EVA1A: variants seen among roughly 807,000 people sequenced by gnomAD.
EVA1A encodes the protein eva-1 homolog A, regulator of programmed cell death.
Under a neutral mutation model 9.8 loss-of-function variants are expected in EVA1A, and 7 were observed. The ratio of observed to expected loss-of-function variants is 0.71; its 90% CI spans 0.41 to 1.34. The LOEUF (loss-of-function observed/expected upper bound fraction) is 1.34. Ranked by LOEUF, EVA1A falls within the 40% of genes most tolerant of loss-of-function variation. The pLI is 0.01. For missense variants in EVA1A, 206 were observed against 205.9 expected (o/e 1.00, Z 0.00); for synonymous variants, 90 against 85.6 (o/e 1.05, Z -0.28).
chr2:75,559,461 G>A (rs949959952), intron 1 of EVA1A, among the ~76,000 whole-genome samples: 6 of 152,148 alleles, frequency 3.9e-5, no homozygotes, highest in Non-Finnish European at 7.3e-5. Context: ...TAGCCACTGC[G>A]CTTGACTGCC....
intron 1 of EVA1A, among the ~76,000 whole-genome samples, chr2:75,559,776 G>C (rs1676856836): frequency 6.6e-6 from 1 of 151,602 alleles, no homozygotes; most frequent in Admixed American, 6.6e-5. Flanking sequence ...TGGACTTGAA[G>C]TGTATGTGTG....
chr2:75,521,845 C>T (rs1675242040), intron 2 of EVA1A, among the ~76,000 whole-genome samples: 1 of 152,074 alleles, frequency 6.6e-6, no homozygotes, highest in Non-Finnish European at 1.5e-5. Flanking sequence ...TATTTTACCA[C>T]AATTTAAAAA....
intron 3 of EVA1A, among the ~76,000 whole-genome samples, chr2:75,512,113 T>C (rs1674840584): frequency 1.3e-5 from 2 of 151,892 alleles, no homozygotes; most frequent in Non-Finnish European, 2.9e-5. Context: ...TTAAAGGAAA[T>C]AGAAGAGTGA....
intron 1 of EVA1A, among the ~76,000 whole-genome samples, chr2:75,532,355 C>G (rs570588237): frequency 1.6e-4 from 24 of 152,096 alleles, no homozygotes; most frequent in African/African-American, 5.3e-4. Flanking sequence ...GTGAGTGAAA[C>G]TTGGTATTGT....
intron 1 of EVA1A, among the ~76,000 whole-genome samples, chr2:75,554,727 A>AG (rs35737651): frequency 0.35 from 52,469 of 151,884 alleles, 10,439 homozygotes; most frequent in Admixed American, 0.47. Context: ...CCCCTAACAC[A>AG]GTGCCTGGCA....
At chr2:75,557,862 G>A (rs1676770907) in intron 1 of EVA1A, among the ~76,000 whole-genome samples, 1 of 152,258 alleles carries the variant, frequency 6.6e-6, no homozygotes, top group African/African-American at 2.4e-5. Context: ...TAAATCACAA[G>A]CATGATGCAG....
intron 1 of EVA1A, among the ~76,000 whole-genome samples, chr2:75,541,399 C>T (rs978388554): frequency 3.3e-5 from 5 of 152,182 alleles, no homozygotes; most frequent in African/African-American, 1.2e-4. Flanking sequence ...CAGAGACAAT[C>T]AAAAGCTAGT....
intron 3 of EVA1A, among the ~76,000 whole-genome samples, chr2:75,504,462 C>T (rs1238206265): frequency 6.6e-6 from 1 of 152,154 alleles, no homozygotes; most frequent in East Asian, 1.9e-4. Flanking sequence ...TTCTGCCCCA[C>T]CCCATTGGAA....
At chr2:75,546,550 C>T (rs771542696) in intron 1 of EVA1A, among the ~76,000 whole-genome samples, 1 of 152,030 alleles carries the variant, frequency 6.6e-6, no homozygotes, top group Admixed American at 6.5e-5. Context: ...AGTGTATATA[C>T]GACGTGGATG....
intron 3 of EVA1A, among the ~76,000 whole-genome samples, chr2:75,495,688 G>A (rs1223764219): frequency 6.6e-6 from 1 of 151,982 alleles, no homozygotes; most frequent in African/African-American, 2.4e-5. Context: ...CTGGTGATGG[G>A]TACACTAAAA....
chr2:75,562,782 C>T (rs1006321216), upstream of EVA1A, among the ~76,000 whole-genome samples: 3 of 152,202 alleles, frequency 2.0e-5, no homozygotes, highest in Non-Finnish European at 2.9e-5. Context: ...TGTAATACTA[C>T]GTGTGTTAGC....
intron 3 of EVA1A, among the ~76,000 whole-genome samples, chr2:75,507,317 T>C (rs1337225888): frequency 3.9e-5 from 6 of 152,178 alleles, no homozygotes; most frequent in African/African-American, 1.4e-4. Context: ...TCTTCAAACC[T>C]GATGCAAGGT....
At chr2:75,525,888 T>C (rs1397797384) in intron 1 of EVA1A, among the ~76,000 whole-genome samples, 3 of 152,248 alleles carry the variant, frequency 2.0e-5, no homozygotes, top group Non-Finnish European at 4.4e-5. Flanking sequence ...CTTAGCACTA[T>C]GCAGAGGTCA....
intron 1 of EVA1A, among the ~76,000 whole-genome samples, chr2:75,533,724 A>G (rs1675765323): frequency 6.6e-6 from 1 of 151,954 alleles, no homozygotes; most frequent in African/African-American, 2.4e-5. Context: ...GTCACTTGAG[A>G]CCAGGAGTTT....
At chr2:75,523,021 TCTC>T (rs1572964344) in intron 1 of EVA1A, among the ~76,000 whole-genome samples, 2 of 152,114 alleles carry the variant, frequency 1.3e-5, no homozygotes, top group Admixed American at 6.5e-5. Context: ...AGGTAGGAAA[TCTC>T]CTCTCTGTGT....
chr2:75,558,282 C>A (rs904784442), intron 1 of EVA1A, among the ~76,000 whole-genome samples: 1 of 152,182 alleles, frequency 6.6e-6, no homozygotes, highest in African/African-American at 2.4e-5. Flanking sequence ...TACGCTATTT[C>A]TTCTTACCAA....
intron 3 of EVA1A, chr2:75,517,672 C>G (rs1360166632): frequency 4.7e-6 from 3 of 634,082 alleles, no homozygotes; most frequent in Non-Finnish European, 8.6e-6. Flanking sequence ...CCCACACACA[C>G]AGTCTCACAC....
chr2:75,557,330 G>T (rs1676750439), intron 1 of EVA1A, among the ~76,000 whole-genome samples: 1 of 152,204 alleles, frequency 6.6e-6, no homozygotes, highest in Non-Finnish European at 1.5e-5. Context: ...AGTATCCAGT[G>T]TCAAACACAA....
chr2:75,502,299 T>C (rs990638786), intron 3 of EVA1A, among the ~76,000 whole-genome samples: 2 of 152,174 alleles, frequency 1.3e-5, no homozygotes, highest in African/African-American at 2.4e-5. Flanking sequence ...GAGACTCCTA[T>C]GTTCCCTACA....
Sources: gnomAD v4.1 joint callset for allele counts (sites outside exome capture counted in the v4.1 genomes callset) on GRCh38, gnomAD v4.1.1 for gene constraint, MANE v1.5 for transcripts, NCBI Gene and HGNC (gene_info 2026-07-23, HGNC 2026-07-21) for gene names.